SLC35F1: variants seen among roughly 807,000 people sequenced by gnomAD.
SLC35F1 encodes the protein chromosome 6 open reading frame 169.
SLC35F1 carries 14 observed loss-of-function variants against 48.7 expected under a neutral mutation model. That is an observed-to-expected ratio of 0.29 (90% confidence interval 0.19 to 0.45). The LOEUF (loss-of-function observed/expected upper bound fraction) is 0.45, where lower values mean the gene tolerates loss of function less well. SLC35F1 is among the 20% of genes least tolerant of loss of function. The pLI is 1.00. For synonymous variants in SLC35F1, 190 were observed against 202.2 expected (o/e 0.94, Z 0.51); for missense variants, 404 against 500.0 (o/e 0.81, Z 1.83).
In SLC35F1 at chr6:118,018,122, C is replaced by T. The variant is rs567640606; in HGVS notation, c.173+110223C>T. Among the ~76,000 whole-genome samples, 3 of 152,270 alleles carry T rather than the reference C, an allele frequency of 2.0e-5. No individual in the cohort carries two copies. In the East Asian group the frequency reaches 5.8e-4, roughly 29 times the overall value. On this transcript the variant is annotated intron_variant, in intron 1 of 7. Transcript: ENST00000360388. ...GCACGGTGGCTCATGCCTGTAATCC[C>T]AGCACTTTGGGAGGCTGAGGGAGGC...
chr6:118,241,019 C>T (rs1207856454), intron 3 of SLC35F1, among the ~76,000 whole-genome samples: 1 of 152,092 alleles, frequency 6.6e-6, no homozygotes, highest in African/African-American at 2.4e-5. Context: ...TTTCAAAGAC[C>T]ATTGTGGCTG....
intron 1 of SLC35F1, among the ~76,000 whole-genome samples, chr6:118,136,279 C>T (rs150380042): frequency 1.3e-3 from 200 of 152,330 alleles, no homozygotes; most frequent in African/African-American, 4.7e-3. Context: ...TCTATGCTAA[C>T]TCATTGAGCA....
intron 2 of SLC35F1, among the ~76,000 whole-genome samples, chr6:118,233,240 C>G (rs545041303): frequency 1.2e-4 from 19 of 152,370 alleles, no homozygotes; most frequent in African/African-American, 4.1e-4. Flanking sequence ...GCTGGGATTA[C>G]AGGCGTGAGC....
intron 1 of SLC35F1, among the ~76,000 whole-genome samples, chr6:118,104,257 G>C (rs1470217137): frequency 6.6e-6 from 1 of 151,902 alleles, no homozygotes; most frequent in African/African-American, 2.4e-5. Context: ...TGTGTTTCCA[G>C]CATGGTTCAG....
intron 1 of SLC35F1, among the ~76,000 whole-genome samples, chr6:117,956,032 C>T (rs906142853): frequency 6.6e-6 from 1 of 152,194 alleles, no homozygotes; most frequent in Non-Finnish European, 1.5e-5. Flanking sequence ...TGTGCTCTGG[C>T]TCATGGGGAT....
intron 2 of SLC35F1, among the ~76,000 whole-genome samples, chr6:118,186,132 T>C (rs1013772181): frequency 9.2e-5 from 14 of 152,106 alleles, no homozygotes; most frequent in African/African-American, 3.4e-4. Flanking sequence ...GGTCACGATA[T>C]CTGGGCTGCT....
intron 1 of SLC35F1, among the ~76,000 whole-genome samples, chr6:117,921,050 T>G (rs1775891461): frequency 9.8e-6 from 1 of 101,986 alleles, no homozygotes; most frequent in Non-Finnish European, 2.0e-5. Flanking sequence ...TCTATTTCTC[T>G]TTGACACACA....
intron 2 of SLC35F1, among the ~76,000 whole-genome samples, chr6:118,157,247 G>T (rs1258539838): frequency 2.6e-5 from 4 of 152,112 alleles, no homozygotes; most frequent in East Asian, 1.9e-4. Flanking sequence ...CTTGTGAGGT[G>T]CAGGGAAGGC....
chr6:118,202,553 A>C (rs981474771), intron 2 of SLC35F1, among the ~76,000 whole-genome samples: 1 of 152,176 alleles, frequency 6.6e-6, no homozygotes, highest in Non-Finnish European at 1.5e-5. Context: ...GATTTCTTGA[A>C]TCTCCAGTAT....
rs1265193543 is a variant in SLC35F1, at chr6:118,070,109, G to A, written c.174-84336G>A. 2.3e-5 allele frequency among the ~76,000 whole-genome samples: 3 copies of A among 132,128 alleles called. No individual in the cohort carries two copies. In the East Asian group the frequency reaches 6.7e-4, roughly 29 times the overall value. 86.7% of individuals were successfully genotyped at this position (132,128 alleles called of 152,430 possible). A position where few individuals can be genotyped will look rare whatever the true frequency, so the allele number is the denominator to read the frequency against. The stretch of plus-strand genomic sequence containing the variant: ...CGAGATTGCGCCACTGCAGTCCGCA[G>A]TCCGGCCTGGGCGACAGAGCGAGAC... On this transcript the variant is annotated intron_variant, in intron 1 of 7. Coordinates refer to ENST00000360388, the MANE Select transcript of SLC35F1 (RefSeq NM_001029858.4).
At chr6:118,111,749 T>C (rs1200475617) in intron 1 of SLC35F1, among the ~76,000 whole-genome samples, 1 of 152,164 alleles carries the variant, frequency 6.6e-6, no homozygotes, top group Non-Finnish European at 1.5e-5. Flanking sequence ...AGAGAAACAA[T>C]ATATTGGGTG....
chr6:118,119,502 TCC>T (rs1491562015), intron 1 of SLC35F1, among the ~76,000 whole-genome samples: 1 of 88,144 alleles, frequency 1.1e-5, no homozygotes, highest in Non-Finnish European at 2.1e-5. Context: ...GCGCCCCCCC[TCC>T]ACCCCGCTTT....
chr6:118,046,652 T>C (rs1430977673), intron 1 of SLC35F1, among the ~76,000 whole-genome samples: 2 of 152,142 alleles, frequency 1.3e-5, no homozygotes, highest in Non-Finnish European at 1.5e-5. Context: ...GAGAAAATGT[T>C]TGTATAGCTC....
intron 2 of SLC35F1, among the ~76,000 whole-genome samples, chr6:118,156,096 T>G (rs917561179): frequency 6.6e-6 from 1 of 152,164 alleles, no homozygotes; most frequent in Non-Finnish European, 1.5e-5. Context: ...TTTTTTAAAG[T>G]TTAACATCAA....
At chr6:117,969,185 C>T (rs1477497340) in intron 1 of SLC35F1, among the ~76,000 whole-genome samples, 1 of 152,176 alleles carries the variant, frequency 6.6e-6, no homozygotes, top group East Asian at 1.9e-4. Context: ...AAAACATGTT[C>T]ACATTTTCAC....
chr6:118,261,459 CA>C (rs1307824295), intron 3 of SLC35F1, among the ~76,000 whole-genome samples: 1 of 152,126 alleles, frequency 6.6e-6, no homozygotes, highest in Non-Finnish European at 1.5e-5. Flanking sequence ...GCATAATAGT[CA>C]ACACATTTTC....
intron 1 of SLC35F1, among the ~76,000 whole-genome samples, chr6:117,996,682 G>A (rs1776997053): frequency 6.6e-6 from 1 of 152,196 alleles, no homozygotes; most frequent in African/African-American, 2.4e-5. Flanking sequence ...GGTCTGGAGT[G>A]GACCTCTAGC....
chr6:118,027,737 C>T (rs1771979988), intron 1 of SLC35F1, among the ~76,000 whole-genome samples: 1 of 152,010 alleles, frequency 6.6e-6, no homozygotes, highest in Non-Finnish European at 1.5e-5. Flanking sequence ...ACAATTTTTT[C>T]TTCCCCATCT....
chr6:118,272,355 A>C (rs937087493), intron 4 of SLC35F1, among the ~76,000 whole-genome samples: 2 of 152,202 alleles, frequency 1.3e-5, no homozygotes, highest in Non-Finnish European at 2.9e-5. Flanking sequence ...TAGACACTTC[A>C]TAATTTTAAA....
Sources: allele counts gnomAD v4.1 joint callset (sites outside exome capture counted in the v4.1 genomes callset), GRCh38; gene constraint gnomAD v4.1.1; transcripts MANE v1.5; gene names NCBI Gene and HGNC (gene_info 2026-07-23, HGNC 2026-07-21).